The following TFAP2D variants were observed in gnomAD, a reference collection of about 807,000 sequenced individuals.
The protein encoded by TFAP2D is transcription factor AP-2 delta.
Under a neutral mutation model 43.6 loss-of-function variants are expected in TFAP2D, and 9 were observed. The ratio of observed to expected loss-of-function variants is 0.21; its 90% CI spans 0.12 to 0.36. TFAP2D has a LOEUF of 0.36. Ranked by LOEUF, TFAP2D falls within the 10% of genes least tolerant of loss-of-function variation. TFAP2D has a pLI of 1.00. For synonymous variants in TFAP2D, 256 were observed against 224.9 expected, an observed-to-expected ratio of 1.14 and a Z score of -1.24; for missense variants, 513 against 561.4, an observed-to-expected ratio of 0.91 and a Z score of 0.87.
At chr6:50,768,903 C>T (rs560312172) in intron 7 of TFAP2D, among the ~76,000 whole-genome samples, 4 of 127,884 alleles carry the variant, frequency 3.1e-5, no homozygotes, top group African/African-American at 8.8e-5. Flanking sequence ...AACGAAGTGG[C>T]TTTTTTTTTT....
intron 7 of TFAP2D, among the ~76,000 whole-genome samples, chr6:50,757,181 A>C (rs1581775773): frequency 6.6e-6 from 1 of 150,460 alleles, no homozygotes; most frequent in East Asian, 2.0e-4. Context: ...TGTTAATGGC[A>C]GGTAGTGAAA....
intron 7 of TFAP2D, among the ~76,000 whole-genome samples, chr6:50,770,726 G>C (rs929630234): frequency 3.9e-5 from 6 of 151,972 alleles, no homozygotes; most frequent in Admixed American, 6.6e-5. Context: ...TATTTTTGCT[G>C]TTAAAGATTA....
chr6:50,769,614 G>A (rs952048761), intron 7 of TFAP2D, among the ~76,000 whole-genome samples: 5 of 152,148 alleles, frequency 3.3e-5, no homozygotes, highest in African/African-American at 1.2e-4. Flanking sequence ...TCTTAGGCAG[G>A]AAAGTGAGTA....
intron 6 of TFAP2D, among the ~76,000 whole-genome samples, chr6:50,749,448 A>G (rs1275719497): frequency 6.6e-6 from 1 of 151,854 alleles, no homozygotes; most frequent in Non-Finnish European, 1.5e-5. Flanking sequence ...AAACTAAAAG[A>G]CTGCTAAAAA....
At chr6:50,764,580 G>T (rs894129008) in intron 7 of TFAP2D, among the ~76,000 whole-genome samples, 1 of 152,116 alleles carries the variant, frequency 6.6e-6, no homozygotes, top group African/African-American at 2.4e-5. Context: ...AAAGGAATTA[G>T]TATTGTAATT....
At chr6:50,735,639 C>G (rs1380916104) in intron 5 of TFAP2D, among the ~76,000 whole-genome samples, 1 of 152,110 alleles carries the variant, frequency 6.6e-6, no homozygotes, top group African/African-American at 2.4e-5. Flanking sequence ...TTACAAGATT[C>G]CCCTACAAAA....
chr6:50,766,016 A>G (rs1410656535), intron 7 of TFAP2D, among the ~76,000 whole-genome samples: 1 of 152,184 alleles, frequency 6.6e-6, no homozygotes, highest in African/African-American at 2.4e-5. Flanking sequence ...TTTTTAATCA[A>G]TTTCAAGTTC....
Position 50,715,213 on chromosome 6 carries a change from T to C in TFAP2D, c.137T>C (p.Leu46Ser), listed in dbSNP as rs1359094526. Residue 46 changes from leucine (L) to serine (S), a missense_variant, in exon 2 of 8, where the codon TTA (leucine) becomes TCA (serine). Leu to Ser is a moderately radical substitution (Grantham distance 145). Around this residue, in one of 3 missense-constraint regions of TFAP2D, gnomAD observed 311 missense variants for 316.2 expected, o/e 0.98. Coordinates refer to ENST00000008391, the MANE Select transcript of TFAP2D (RefSeq NM_172238.4). Reference protein sequence around the residue: ...STVAYSSSSPLTYSTTGTEFA... With the variant: ...STVAYSSSSPSTYSTTGTEFA... ...GTCGCCTATTCCTCCTCCTCTCCTT[T>C]AACTTACTCCACCACCGGCACCGAG... is the stretch of plus-strand genomic sequence containing the variant. 1.9e-6 allele frequency: 3 copies of C among 1,613,706 alleles called. No individual in the cohort carries two copies. Among genetic ancestry groups the C allele is most frequent in the South Asian group, 2.2e-5 (2 of 91,058 alleles).
intron 3 of TFAP2D, among the ~76,000 whole-genome samples, chr6:50,725,343 C>G (rs1332522866): frequency 2.0e-5 from 3 of 152,136 alleles, no homozygotes; most frequent in Admixed American, 1.3e-4. Flanking sequence ...ACCACTGTTA[C>G]CATAGCTACC....
chr6:50,730,805 C>A (rs945840773), intron 5 of TFAP2D, among the ~76,000 whole-genome samples: 1 of 152,042 alleles, frequency 6.6e-6, no homozygotes. Context: ...GTTTTTAAAG[C>A]TCCCCAGGTG....
At chr6:50,733,986 A>G (rs199712896) in intron 5 of TFAP2D, among the ~76,000 whole-genome samples, 15 of 141,594 alleles carry the variant, frequency 1.1e-4, no homozygotes, top group South Asian at 4.5e-4. Context: ...CTTTCTGTGT[A>G]TGTGTGTGTG....
chr6:50,772,651 C>T lies in TFAP2D; in HGVS notation c.1146C>T (p.Ile382=), dbSNP rs1769546042. 6.2e-7 allele frequency: 1 copy of T among 1,613,536 alleles called. No homozygotes were observed. Among genetic ancestry groups the T allele is most frequent in the Non-Finnish European group, 8.5e-7 (1 of 1,179,732 alleles). Residue 382 remains isoleucine (I), a synonymous_variant, in exon 8 of 8, where the codon ATC becomes ATT. Coordinates refer to ENST00000008391, the MANE Select transcript of TFAP2D (RefSeq NM_172238.4). ...TATCACTTCTCATTTCCAGTTTGAT[C>T]ACTCATGGCTTTGGGACTCCGGCAA... The part of the protein sequence containing the change: ...IQRHLTHFSL[I]THGFGTPAIC...
intron 7 of TFAP2D, among the ~76,000 whole-genome samples, chr6:50,764,503 G>A (rs545920429): frequency 2.0e-5 from 3 of 152,136 alleles, no homozygotes; most frequent in Admixed American, 6.5e-5. Context: ...TATTACATAC[G>A]CTGCTGTGCA....
chr6:50,752,801 G>A (rs1769216609), intron 7 of TFAP2D, among the ~76,000 whole-genome samples: 1 of 151,818 alleles, frequency 6.6e-6, no homozygotes, highest in African/African-American at 2.4e-5. Flanking sequence ...GATGCTATGA[G>A]CAAAAGGTTT....
In TFAP2D at chr6:50,740,519, C is replaced by T. The variant is rs891539434; in HGVS notation, c.884-4588C>T. On this transcript the variant is annotated intron_variant, in intron 5 of 7. Coordinates refer to ENST00000008391, the MANE Select transcript of TFAP2D (RefSeq NM_172238.4). ...CACAGTCTCAGCTCACTGCAACTTC[C>T]GCCTCCCGAGTTCAAGCAATTCTCT... Among the ~76,000 whole-genome samples, 6 of 152,042 alleles carry T rather than the reference C, an allele frequency of 3.9e-5. No individual in the cohort carries two copies. The East Asian group carries it at 5.8e-4, about 15-fold the overall frequency.
intron 7 of TFAP2D, among the ~76,000 whole-genome samples, chr6:50,754,566 T>A (rs1402813901): frequency 1.3e-5 from 2 of 151,956 alleles, no homozygotes; most frequent in Non-Finnish European, 2.9e-5. Flanking sequence ...TTTGTCATTT[T>A]TTGAGGGCCT....
chr6:50,749,890 G>T (rs972891810), intron 6 of TFAP2D, among the ~76,000 whole-genome samples: 6 of 151,866 alleles, frequency 4.0e-5, no homozygotes, highest in African/African-American at 1.4e-4. Flanking sequence ...CACTGAAGCA[G>T]ATAAGGACTT....
At chr6:50,722,734 GAC>G (rs1768747828) in intron 3 of TFAP2D, among the ~76,000 whole-genome samples, 1 of 151,788 alleles carries the variant, frequency 6.6e-6, no homozygotes, top group Non-Finnish European at 1.5e-5. Context: ...TAGATGAGAA[GAC>G]CTAGCTTTTC....
chr6:50,732,012 A>G (rs1388799108), intron 5 of TFAP2D, among the ~76,000 whole-genome samples: 1 of 152,106 alleles, frequency 6.6e-6, no homozygotes, highest in African/African-American at 2.4e-5. Context: ...TTACTCCTGT[A>G]TGAATTTCAC....
Sources: gnomAD v4.1 joint callset for allele counts (sites outside exome capture counted in the v4.1 genomes callset) on GRCh38, gnomAD v4.1.1 for gene constraint, gnomAD v4.1.1 regional missense constraint, MANE v1.5 for transcripts, NCBI Gene and HGNC (gene_info 2026-07-23, HGNC 2026-07-21) for gene names.